The following NPAS3 variants were observed in gnomAD, a reference collection of about 807,000 sequenced individuals.
NPAS3 encodes neuronal PAS domain protein 3.
A neutral mutation model predicts 73.1 loss-of-function variants in NPAS3; 14 were observed. The observed-to-expected ratio is 0.19, with a 90% CI of 0.13 to 0.30. NPAS3 has a LOEUF of 0.30. Ranked by LOEUF, NPAS3 falls within the 10% of genes least tolerant of loss-of-function variation. NPAS3 has a pLI of 1.00. For missense variants in NPAS3, 1,096 were observed against 1,250.0 expected (o/e 0.88, Z 1.86); for synonymous variants, 620 against 541.5 (o/e 1.14, Z -2.01).
chr14:33,290,734 T>A (rs1182526708), intron 3 of NPAS3, among the ~76,000 whole-genome samples: 2 of 152,248 alleles, frequency 1.3e-5, no homozygotes, highest in African/African-American at 4.8e-5. Flanking sequence ...CTTCCATAAC[T>A]GGATGCTTTG....
chr14:33,109,866 G>C (rs1422039463), intron 2 of NPAS3, among the ~76,000 whole-genome samples: 2 of 138,944 alleles, frequency 1.4e-5, no homozygotes, highest in Non-Finnish European at 3.0e-5. Flanking sequence ...TCCCAGGCTG[G>C]AGTGCACTTC....
intron 4 of NPAS3, among the ~76,000 whole-genome samples, chr14:33,373,913 A>G (rs1013402906): frequency 3.3e-5 from 5 of 152,138 alleles, no homozygotes; most frequent in African/African-American, 1.2e-4. Context: ...AAGGCTAGGT[A>G]CGATGGTTGT....
chr14:33,068,053 T>G (rs1055591915), intron 2 of NPAS3, among the ~76,000 whole-genome samples: 5 of 152,210 alleles, frequency 3.3e-5, no homozygotes, highest in Non-Finnish European at 7.3e-5. Flanking sequence ...TCTTACTCAG[T>G]TTGGTTCAGA....
chr14:33,595,599 G>A (rs1011596722), intron 5 of NPAS3, among the ~76,000 whole-genome samples: 2 of 151,982 alleles, frequency 1.3e-5, no homozygotes, highest in African/African-American at 4.8e-5. Context: ...GAAACAAAAG[G>A]GAAAAAGAAA....
chr14:33,353,750 G>A lies in NPAS3; in HGVS notation c.386-13436G>A, dbSNP rs74042066. On this transcript the variant is annotated intron_variant, in intron 3 of 11. Transcript: ENST00000356141. ...TTCCTATTTACGCAGAGGAGAAAAC[G>A]AAGGTGAGACAGCTCTGATGTAGCC... Among the ~76,000 whole-genome samples, 1,317 of 152,272 alleles carry A rather than the reference G, an allele frequency of 8.6e-3. 18 individuals are homozygous for A. Among genetic ancestry groups the A allele is most frequent in the African/African-American group, 0.03 (1,253 of 41,544 alleles).
intron 3 of NPAS3, among the ~76,000 whole-genome samples, chr14:33,315,066 TAGAGA>T (rs1387736620): frequency 2.0e-5 from 3 of 151,942 alleles, no homozygotes. Flanking sequence ...TGTAGGGGTA[TAGAGA>T]AAAACAGAGA....
chr14:33,043,875 T>C (rs2040420696), intron 1 of NPAS3, among the ~76,000 whole-genome samples: 1 of 152,024 alleles, frequency 6.6e-6, no homozygotes, highest in Non-Finnish European at 1.5e-5. Flanking sequence ...AATCTTCAGA[T>C]GAAAATATTT....
At chr14:33,092,826 C>A (rs2042274378) in intron 2 of NPAS3, among the ~76,000 whole-genome samples, 1 of 152,154 alleles carries the variant, frequency 6.6e-6, no homozygotes. Flanking sequence ...ACATCTACAA[C>A]CATCTGATCT....
intron 5 of NPAS3, among the ~76,000 whole-genome samples, chr14:33,638,221 G>A (rs925154685): frequency 7.2e-5 from 11 of 151,998 alleles, no homozygotes; most frequent in African/African-American, 2.7e-4. Context: ...TAGGTTTTTG[G>A]TGTTAAATTA....
intron 3 of NPAS3, among the ~76,000 whole-genome samples, chr14:33,253,170 T>A (rs1196956478): frequency 6.6e-6 from 1 of 152,150 alleles, no homozygotes; most frequent in African/African-American, 2.4e-5. Context: ...ACGGTAGTTC[T>A]GTTTTCAGTT....
At chr14:33,498,935 A>AGTGTGTGTGTGTGTGTGTGTGTGTGT (rs3058422) in intron 4 of NPAS3, among the ~76,000 whole-genome samples, 1 of 94,902 alleles carries the variant, frequency 1.1e-5, no homozygotes, top group Admixed American at 1.0e-4. Context: ...ACAGAGAGAG[A>AGTGTGTGTGTGTGTGTGTGTGTGTGT]GTGTGTGTGT....
intron 5 of NPAS3, among the ~76,000 whole-genome samples, chr14:33,617,203 A>G (rs1339740832): frequency 6.6e-6 from 1 of 152,232 alleles, no homozygotes; most frequent in Non-Finnish European, 1.5e-5. Flanking sequence ...AAAAAATCGA[A>G]GCCTCCATTG....
chr14:33,045,607 A>T (rs1472007429), intron 1 of NPAS3, among the ~76,000 whole-genome samples: 1 of 152,120 alleles, frequency 6.6e-6, no homozygotes, highest in African/African-American at 2.4e-5. Flanking sequence ...TTTTACTCTC[A>T]GGTTTTAATT....
chr14:33,541,385 A>G (rs1410808396), intron 4 of NPAS3, among the ~76,000 whole-genome samples: 2 of 152,160 alleles, frequency 1.3e-5, no homozygotes, highest in Non-Finnish European at 2.9e-5. Flanking sequence ...TGTGTTCACC[A>G]ACAGAGTAAA....
intron 4 of NPAS3, among the ~76,000 whole-genome samples, chr14:33,368,684 G>T (rs887244568): frequency 6.6e-6 from 1 of 152,046 alleles, no homozygotes; most frequent in Non-Finnish European, 1.5e-5. Context: ...CTATTCTATT[G>T]TATACATAAA....
chr14:33,408,590 C>T (rs1353692962), intron 4 of NPAS3, among the ~76,000 whole-genome samples: 2 of 152,092 alleles, frequency 1.3e-5, no homozygotes, highest in African/African-American at 2.4e-5. Context: ...CTTATTAAAC[C>T]GGAACAGAGA....
At chr14:33,440,070 C>T (rs1312236897) in intron 4 of NPAS3, among the ~76,000 whole-genome samples, 3 of 149,434 alleles carry the variant, frequency 2.0e-5, no homozygotes, top group African/African-American at 7.4e-5. Flanking sequence ...TAGCCCAGAT[C>T]GTGCCACTGC....
chr14:33,409,974 C>A (rs1182972873), intron 4 of NPAS3, among the ~76,000 whole-genome samples: 1 of 152,080 alleles, frequency 6.6e-6, no homozygotes, highest in East Asian at 1.9e-4. Context: ...ATGTATCAAG[C>A]TGTGGATGAT....
At chr14:33,310,483 C>A (rs1049187949) in intron 3 of NPAS3, among the ~76,000 whole-genome samples, 9 of 152,114 alleles carry the variant, frequency 5.9e-5, no homozygotes, top group Non-Finnish European at 1.3e-4. Flanking sequence ...AGAACAGATT[C>A]TGTAGTCTTG....
Sources: allele counts gnomAD v4.1 joint callset (sites outside exome capture counted in the v4.1 genomes callset), GRCh38; gene constraint gnomAD v4.1.1; transcripts MANE v1.5; gene names NCBI Gene and HGNC (gene_info 2026-07-23, HGNC 2026-07-21).